Variants in PLEKHA6 observed in about 807,000 individuals in gnomAD.
The protein encoded by PLEKHA6 is pleckstrin homology domain containing A6.
PLEKHA6 carries 60 observed loss-of-function variants against 116.7 expected under a neutral mutation model. The ratio of observed to expected loss-of-function variants is 0.51; its 90% CI spans 0.42 to 0.64. The LOEUF (loss-of-function observed/expected upper bound fraction) is 0.64. PLEKHA6 is among the 30% of genes least tolerant of loss of function. The pLI is 0.00. For synonymous variants in PLEKHA6, 489 were observed against 556.1 expected, an observed-to-expected ratio of 0.88 and a Z score of 1.70; for missense variants, 1,338 against 1,422.7, an observed-to-expected ratio of 0.94 and a Z score of 0.96.
At chr1:204,245,166 C>T (rs986990364) in intron 14 of PLEKHA6, among the ~76,000 whole-genome samples, 163 bp from the exon 15 acceptor site, 1 of 152,122 alleles carries the variant, frequency 6.6e-6, no homozygotes, top group Non-Finnish European at 1.5e-5. Flanking sequence ...GGGCTCATTA[C>T]AGGTTCTGGG....
intron 1 of PLEKHA6, among the ~76,000 whole-genome samples, chr1:204,357,537 T>C (rs1673448995): frequency 6.6e-6 from 1 of 152,012 alleles, no homozygotes; most frequent in Non-Finnish European, 1.5e-5. Flanking sequence ...CATTAAGCCC[T>C]GGCTTCCTGA....
At chr1:204,255,977 C>T (rs1665231754) in intron 9 of PLEKHA6, among the ~76,000 whole-genome samples, 1 of 152,194 alleles carries the variant, frequency 6.6e-6, no homozygotes, top group Non-Finnish European at 1.5e-5. Context: ...GCAATTTAGG[C>T]AGCACTTGTT....
intron 17 of PLEKHA6, among the ~76,000 whole-genome samples, chr1:204,240,252 C>T (rs939803720): frequency 6.6e-6 from 1 of 152,200 alleles, no homozygotes; most frequent in Non-Finnish European, 1.5e-5. Flanking sequence ...TTAATCCAGG[C>T]AGGACTACAA....
intron 1 of PLEKHA6, among the ~76,000 whole-genome samples, chr1:204,348,176 T>C (rs1052213142): frequency 2.0e-5 from 3 of 152,162 alleles, no homozygotes; most frequent in African/African-American, 7.2e-5. Context: ...CAGTTGGAAA[T>C]GCTGCTTAAA....
chr1:204,362,842 C>T (rs1673585386), upstream of PLEKHA6, among the ~76,000 whole-genome samples: 1 of 152,256 alleles, frequency 6.6e-6, no homozygotes, highest in Non-Finnish European at 1.5e-5. Context: ...GCCACCATGC[C>T]TGGCTAACGA....
intron 1 of PLEKHA6, among the ~76,000 whole-genome samples, chr1:204,305,308 T>C (rs550658267): frequency 6.6e-6 from 1 of 152,222 alleles, no homozygotes; most frequent in Admixed American, 6.5e-5. Flanking sequence ...TGCTGGGCAG[T>C]GGGGTAGAGG....
intron 3 of PLEKHA6, among the ~76,000 whole-genome samples, chr1:204,269,163 CT>C (rs935543970): frequency 6.6e-6 from 1 of 151,658 alleles, no homozygotes; most frequent in African/African-American, 2.4e-5. Context: ...ACATTCCACC[CT>C]TTGGGCTTTC....
intron 3 of PLEKHA6, among the ~76,000 whole-genome samples, chr1:204,269,675 A>G (rs896950257): frequency 6.6e-6 from 1 of 152,010 alleles, no homozygotes; most frequent in Admixed American, 6.6e-5. Flanking sequence ...TTACCTAGAA[A>G]ATGACTGTCC....
intron 1 of PLEKHA6, among the ~76,000 whole-genome samples, chr1:204,358,024 C>G (rs1673462492): frequency 6.6e-6 from 1 of 152,134 alleles, no homozygotes; most frequent in South Asian, 2.1e-4. Flanking sequence ...CCATCACCTT[C>G]CTAGGAAGGA....
At chr1:204,316,577 C>T (rs1303077917) in intron 1 of PLEKHA6, among the ~76,000 whole-genome samples, 1 of 152,186 alleles carries the variant, frequency 6.6e-6, no homozygotes. Flanking sequence ...CTCATTGGCA[C>T]GGTGACTTGG....
At chr1:204,267,603 G>A in intron 4 of PLEKHA6, 56 bp from the exon 5 acceptor site, 1 of 1,463,722 alleles carries the variant, frequency 6.8e-7, no homozygotes, top group Non-Finnish European at 9.6e-7. Flanking sequence ...TGGACGAGGA[G>A]ATGGGATGCA....
In PLEKHA6 at chr1:204,343,879, G is replaced by A. The variant is rs77864292; in HGVS notation, c.-95+15815C>T. On this transcript the variant is annotated intron_variant, in intron 1 of 22. Transcript: ENST00000272203. ...TCCCCTATCCTGGTCATTCCATCTG[G>A]AAAAATAGACTCTGACACCAGGAGC... 9.2e-3 allele frequency among the ~76,000 whole-genome samples: 1,407 copies of A among 152,194 alleles called. 20 individuals are homozygous for A. The highest frequency in any genetic ancestry group is 0.031 in the African/African-American group (1,277 of 41,528).
intron 3 of PLEKHA6, among the ~76,000 whole-genome samples, chr1:204,269,357 A>C: frequency 1.8e-5 from 1 of 54,362 alleles, no homozygotes; most frequent in African/African-American, 5.8e-5. Context: ...TTCCTACCTC[A>C]CCTTCTCTAA....
chr1:204,289,429 C>T (rs1378964353), intron 1 of PLEKHA6, among the ~76,000 whole-genome samples: 3 of 152,214 alleles, frequency 2.0e-5, no homozygotes, highest in Non-Finnish European at 2.9e-5. Flanking sequence ...CTTATCACCC[C>T]TGGTTCCTGT....
intron 17 of PLEKHA6, among the ~76,000 whole-genome samples, chr1:204,237,808 C>T (rs185273144): frequency 1.4e-4 from 22 of 152,268 alleles, no homozygotes; most frequent in East Asian, 7.7e-4. Flanking sequence ...TTTTTGCTTC[C>T]GCAAGATATC....
chr1:204,297,209 G>A lies in PLEKHA6; in HGVS notation c.-94-22400C>T, dbSNP rs528772089. 5.1e-6 allele frequency: 5 copies of A among 981,978 alleles called. No individual in the cohort carries two copies. In the South Asian group the frequency reaches 1.4e-4, roughly 28 times the overall value. 60.8% of individuals were successfully genotyped at this position (981,978 alleles called of 1,614,324 possible). ...TGGCTCTAACATTTGTCTTTGATGT[G>A]ACATTTAACTCCTAAACACTACCTT... On this transcript the variant is annotated intron_variant, in intron 1 of 22. Coordinates refer to ENST00000272203, the MANE Select transcript of PLEKHA6 (RefSeq NM_014935.5).
intron 1 of PLEKHA6, among the ~76,000 whole-genome samples, chr1:204,302,209 C>T (rs2103092913): frequency 6.6e-6 from 1 of 152,256 alleles, no homozygotes; most frequent in African/African-American, 2.4e-5. Context: ...ATCTGAGGCC[C>T]AGAGAGAAGG....
In PLEKHA6 at chr1:204,228,103, C is replaced by A. The variant is rs747483359; in HGVS notation, c.3011G>T (p.Arg1004Leu). The A allele has an allele frequency of 4.3e-6, 7 of 1,612,452 alleles. No individual in the cohort carries two copies. In the South Asian group the frequency reaches 4.4e-5, roughly 10 times the overall value. ...CTCACCAGACAGCATGCGGCCCCTG[C>A]GGGAGGCCTCGGTCGCCAGGGCGCA... The part of the protein sequence containing the change: ...ISCALATEAS[R>L]RGRMLSVQCA... Residue 1004 changes from arginine to leucine, a missense_variant, in exon 21 of 23, where the codon CGC (arginine) becomes CTC (leucine). Coordinates refer to ENST00000272203, the MANE Select transcript of PLEKHA6 (RefSeq NM_014935.5). The surrounding 1 kb of genome is among the most constrained non-coding windows in gnomAD (Gnocchi z 4.0).
At chr1:204,251,052 T>C (rs1194203891) in intron 9 of PLEKHA6, among the ~76,000 whole-genome samples, 1 of 152,208 alleles carries the variant, frequency 6.6e-6, no homozygotes, top group East Asian at 1.9e-4. Context: ...CCTAGTAGAC[T>C]GAACACCTGG....
Sources: allele counts gnomAD v4.1 joint callset (sites outside exome capture counted in the v4.1 genomes callset), GRCh38; gene constraint gnomAD v4.1.1; non-coding constraint Gnocchi (gnomAD v3.1); transcripts MANE v1.5; gene names NCBI Gene and HGNC (gene_info 2026-07-23, HGNC 2026-07-21).